DCC: variants seen among roughly 807,000 people sequenced by gnomAD.
The protein encoded by DCC is netrin receptor DCC.
Under a neutral mutation model 172.5 loss-of-function variants are expected in DCC, and 58 were observed. That is an observed-to-expected ratio of 0.34 (90% CI 0.27 to 0.42). The LOEUF is 0.42. DCC is among the 10% of genes least tolerant of loss of function. The pLI is 1.00. For missense variants in DCC, 1,740 were observed against 1,791.0 expected (o/e 0.97, Z 0.51); for synonymous variants, 709 against 644.5 (o/e 1.10, Z -1.52).
intron 13 of DCC, among the ~76,000 whole-genome samples, chr18:53,311,337 G>C (rs1404224224): frequency 6.6e-6 from 1 of 152,072 alleles, no homozygotes; most frequent in Non-Finnish European, 1.5e-5. Context: ...TGGCCAGGCT[G>C]GTCTCGAACT....
chr18:52,447,838 G>A (rs1228238446), intron 1 of DCC, among the ~76,000 whole-genome samples: 1 of 152,090 alleles, frequency 6.6e-6, no homozygotes, highest in African/African-American at 2.4e-5. Flanking sequence ...ACTATTGAGA[G>A]GATAGTACCA....
chr18:53,402,636 T>C (rs1909383324), intron 18 of DCC, 150 bp from the exon 19 acceptor site: 1 of 712,298 alleles, frequency 1.4e-6, no homozygotes. Flanking sequence ...TGTTTGCTTA[T>C]TCAAATCCTT....
intron 27 of DCC, among the ~76,000 whole-genome samples, chr18:53,520,458 C>T (rs1319015841): frequency 1.3e-5 from 2 of 152,160 alleles, no homozygotes; most frequent in Non-Finnish European, 2.9e-5. Context: ...GGGAAGGTGA[C>T]TGATCAGGTC....
intron 15 of DCC, among the ~76,000 whole-genome samples, chr18:53,347,237 A>G (rs1165648484): frequency 6.6e-6 from 1 of 152,204 alleles, no homozygotes; most frequent in African/African-American, 2.4e-5. Flanking sequence ...ATTTTCTTGG[A>G]GCAAAACAGA....
chr18:52,657,144 C>G (rs1277410340), intron 1 of DCC, among the ~76,000 whole-genome samples: 2 of 152,160 alleles, frequency 1.3e-5, no homozygotes, highest in Non-Finnish European at 2.9e-5. Context: ...GAGACAAAAA[C>G]CAAGCTGTTC....
chr18:52,361,496 A>G (rs1984616497), intron 1 of DCC, among the ~76,000 whole-genome samples: 1 of 152,344 alleles, frequency 6.6e-6, no homozygotes, highest in East Asian at 1.9e-4. Flanking sequence ...TTGTCTCTAT[A>G]AGACAGATCA....
chr18:53,457,002 A>T (rs1381120516), intron 23 of DCC, among the ~76,000 whole-genome samples: 1 of 152,218 alleles, frequency 6.6e-6, no homozygotes, highest in South Asian at 2.1e-4. Context: ...CTTTAATAAG[A>T]GATACGATAG....
intron 1 of DCC, among the ~76,000 whole-genome samples, chr18:52,499,116 C>T (rs1165460483): frequency 1.3e-5 from 2 of 152,174 alleles, no homozygotes; most frequent in African/African-American, 2.4e-5. Flanking sequence ...ACATTTATGA[C>T]AGCACATTCT....
chr18:52,933,980 T>G (rs907062921), intron 5 of DCC, among the ~76,000 whole-genome samples: 1 of 151,970 alleles, frequency 6.6e-6, no homozygotes, highest in Non-Finnish European at 1.5e-5. Context: ...TTCTGGGAAA[T>G]AAAGTAATAT....
At chr18:53,074,463 A>C (rs190372977) in intron 7 of DCC, among the ~76,000 whole-genome samples, 13 of 152,326 alleles carry the variant, frequency 8.5e-5, no homozygotes, top group Admixed American at 8.5e-4. Context: ...TTCCTTTATA[A>C]GCCTTGGTAA....
At chr18:53,207,313 T>C (rs2055667890) in intron 10 of DCC, among the ~76,000 whole-genome samples, 1 of 152,224 alleles carries the variant, frequency 6.6e-6, no homozygotes, top group African/African-American at 2.4e-5. Context: ...CTATTATTTC[T>C]TGGTGAATTA....
intron 2 of DCC, among the ~76,000 whole-genome samples, chr18:52,818,847 A>G (rs538068111): frequency 1.8e-4 from 28 of 152,340 alleles, no homozygotes; most frequent in African/African-American, 5.3e-4. Context: ...CATTACCTCC[A>G]TGACAGTGGC....
At chr18:52,637,807 G>A (rs1038731438) in intron 1 of DCC, among the ~76,000 whole-genome samples, 2 of 152,114 alleles carry the variant, frequency 1.3e-5, no homozygotes, top group Non-Finnish European at 2.9e-5. Flanking sequence ...AATACAAGAA[G>A]CACAAAGAAC....
chr18:53,426,994 G>C (rs915433181), intron 21 of DCC, among the ~76,000 whole-genome samples: 1 of 152,032 alleles, frequency 6.6e-6, no homozygotes, highest in Non-Finnish European at 1.5e-5. Flanking sequence ...CGGGATGCTT[G>C]GCAAATTTGC....
Position 52,362,363 on chromosome 18 carries a change from T to G in DCC, c.91+21485T>G, listed in dbSNP as rs776620615. ...ACTTGATAAACAGTCAACTTCTTTC[T>G]TGAATTTATGCCAAGACCTCATATA... On this transcript the variant is annotated intron_variant, in intron 1 of 28. Transcript: ENST00000442544. Among the ~76,000 whole-genome samples, 24 of 152,368 alleles carry G rather than the reference T, an allele frequency of 1.6e-4. No individual in the cohort carries two copies. The South Asian group carries it at 3.1e-3, about 20-fold the overall frequency.
At chr18:52,487,026 C>T (rs1274920655) in intron 1 of DCC, among the ~76,000 whole-genome samples, 1 of 152,062 alleles carries the variant, frequency 6.6e-6, no homozygotes, top group Non-Finnish European at 1.5e-5. Context: ...AATGTTTTTA[C>T]CCACAGCCTT....
At chr18:53,026,314 T>C (rs1412716510) in intron 5 of DCC, among the ~76,000 whole-genome samples, 6 of 152,140 alleles carry the variant, frequency 3.9e-5, no homozygotes, top group Non-Finnish European at 8.8e-5. Context: ...TCTCTCTTTA[T>C]TTGTCTTTTA....
chr18:53,084,349 T>A (rs1356382582), intron 7 of DCC, among the ~76,000 whole-genome samples: 1 of 152,218 alleles, frequency 6.6e-6, no homozygotes, highest in Non-Finnish European at 1.5e-5. Flanking sequence ...CATGACCCAA[T>A]CATCTCTCAA....
At position 53,000,573 on chromosome 18, in the gene DCC, T is replaced by C. The variant is rs550551566; in HGVS notation, c.986-62732T>C. On this transcript the variant is annotated intron_variant, in intron 5 of 28. Coordinates refer to ENST00000442544, the MANE Select transcript of DCC (RefSeq NM_005215.4). The stretch of plus-strand genomic sequence containing the variant: ...CTGAGGGGTCACCATGTTTAGGATA[T>C]CAGCTTACATTCTTTTTTTTTTTTT... Among the ~76,000 whole-genome samples, 14 of 147,140 alleles carry C rather than the reference T, an allele frequency of 9.5e-5. No individual in the cohort carries two copies. In the East Asian group the frequency reaches 2.9e-3, roughly 30 times the overall value.
Sources: gnomAD v4.1 joint callset for allele counts (sites outside exome capture counted in the v4.1 genomes callset) on GRCh38, gnomAD v4.1.1 for gene constraint, MANE v1.5 for transcripts, NCBI Gene and HGNC (gene_info 2026-07-23, HGNC 2026-07-21) for gene names.